Variants in GABRG3 observed in about 807,000 individuals in gnomAD.
The protein encoded by GABRG3 is gamma-aminobutyric acid receptor subunit gamma-3.
GABRG3 carries 25 observed loss-of-function variants against 48.8 expected under a neutral mutation model. The observed-to-expected ratio is 0.51, with a 90% confidence interval of 0.37 to 0.72. GABRG3 has a LOEUF of 0.72. Ranked by LOEUF, GABRG3 falls within the 30% of genes least tolerant of loss-of-function variation. The probability of loss-of-function intolerance (pLI) is 0.00; values close to 1 mark genes in which losing one functional copy is unlikely to be tolerated. For synonymous variants in GABRG3, 227 were observed against 217.6 expected (o/e 1.04, Z -0.38); for missense variants, 394 against 577.9 (o/e 0.68, Z 3.26).
intron 3 of GABRG3, among the ~76,000 whole-genome samples, chr15:27,143,476 T>A (rs1056839570): frequency 9.9e-5 from 15 of 152,218 alleles, no homozygotes; most frequent in African/African-American, 3.4e-4. Context: ...TTCTCACAGG[T>A]TGACATTTAT....
At position 27,177,190 on chromosome 15, in the gene GABRG3, C is replaced by T. The variant is rs533190832; in HGVS notation, c.271-149619C>T. 3.3e-5 allele frequency among the ~76,000 whole-genome samples: 5 copies of T among 152,266 alleles called. No individual in the cohort carries two copies. The South Asian group carries it at 1.0e-3, about 32-fold the overall frequency. ...TGTGCTGAGTCAATTTCTTGGGCAG[C>T]AGCTTATAGGACTGGTTGAGTCAGA... On this transcript the variant is annotated intron_variant, in intron 3 of 9. Transcript: ENST00000615808.
chr15:27,341,654 A>T (rs1474939713), intron 5 of GABRG3, among the ~76,000 whole-genome samples: 1 of 152,116 alleles, frequency 6.6e-6, no homozygotes, highest in Non-Finnish European at 1.5e-5. Context: ...CAAGGCTTTG[A>T]GCAGAGCAGA....
chr15:27,072,685 C>T (rs1896848191), intron 3 of GABRG3, among the ~76,000 whole-genome samples: 1 of 152,184 alleles, frequency 6.6e-6, no homozygotes, highest in Non-Finnish European at 1.5e-5. Context: ...TTGCCTTCCT[C>T]AGCCCCTGGC....
chr15:26,999,362 G>A (rs1485800885), intron 2 of GABRG3, among the ~76,000 whole-genome samples: 1 of 152,108 alleles, frequency 6.6e-6, no homozygotes, highest in Non-Finnish European at 1.5e-5. Flanking sequence ...GAATATAGGG[G>A]TTCAGGAACC....
intron 5 of GABRG3, among the ~76,000 whole-genome samples, chr15:27,467,452 C>G (rs139071761): frequency 6.6e-6 from 1 of 152,316 alleles, no homozygotes; most frequent in East Asian, 1.9e-4. Flanking sequence ...AGTTCACAGA[C>G]AGGAGGTCTG....
chr15:27,186,442 T>C (rs28727480), intron 3 of GABRG3, among the ~76,000 whole-genome samples: 8,804 of 152,268 alleles, frequency 0.058, 408 homozygotes, highest in East Asian at 0.16. Context: ...CTCCCTGTCA[T>C]TGCTATCATG....
chr15:27,307,967 T>C (rs1892732945), intron 3 of GABRG3, among the ~76,000 whole-genome samples: 1 of 136,320 alleles, frequency 7.3e-6, no homozygotes, highest in South Asian at 2.3e-4. Flanking sequence ...AACATGTTTA[T>C]ATATAAACAT....
In GABRG3 at chr15:27,351,324, G is replaced by GGTGT. The variant is rs554737853; in HGVS notation, c.574+22445_574+22448dup. ...GTTTGTGTGTATGGTGTATGTGTAT[G>GGTGT]GTGTGTGTGTGTATGGTATATGTGT... On this transcript the variant is annotated intron_variant, in intron 5 of 9. Coordinates refer to ENST00000615808, the MANE Select transcript of GABRG3 (RefSeq NM_033223.5). 2.4e-3 allele frequency among the ~76,000 whole-genome samples: 344 copies of GGTGT among 141,640 alleles called. 1 individual carries two copies. The highest frequency in any genetic ancestry group is 8.3e-3 in the African/African-American group (317 of 38,028). The allele number at this position is 141,640 out of a possible 152,430, so 92.9% of individuals were successfully genotyped here. A position where few individuals can be genotyped will look rare whatever the true frequency, so the allele number is the denominator to read the frequency against.
chr15:27,086,629 C>A (rs749244053), intron 3 of GABRG3, among the ~76,000 whole-genome samples: 1 of 152,178 alleles, frequency 6.6e-6, no homozygotes, highest in Non-Finnish European at 1.5e-5. Flanking sequence ...TTATAACATA[C>A]ATTTAGGTTA....
intron 2 of GABRG3, among the ~76,000 whole-genome samples, chr15:27,007,984 A>G (rs1177543829): frequency 1.3e-5 from 2 of 152,066 alleles, no homozygotes; most frequent in Non-Finnish European, 2.9e-5. Context: ...TTTGTTCAGT[A>G]TATGTTATCT....
Position 27,480,758 on chromosome 15 carries a change from A to T in GABRG3, c.683A>T (p.Asn228Ile). The T allele has an allele frequency of 6.2e-7, 1 of 1,613,858 alleles. No homozygotes were observed. Among genetic ancestry groups the T allele is most frequent in the Non-Finnish European group, 8.5e-7 (1 of 1,179,846 alleles). Residue 228 changes from asparagine to isoleucine, a missense_variant, in exon 6 of 10, where the codon AAC becomes ATC. Around this residue, in one of 3 missense-constraint regions of GABRG3, gnomAD observed 218 missense variants for 309.9 expected, o/e 0.70. Coordinates refer to ENST00000615808, the MANE Select transcript of GABRG3 (RefSeq NM_033223.5). ...LYQFDFMGLR[N>I]TTEIVTTSAG... Reference sequence around the variant, plus strand: ...CAGTTTGACTTCATGGGCCTCAGAAACACCACAGAAATCGTGACAACGTCT... The same window carrying T: ...CAGTTTGACTTCATGGGCCTCAGAATCACCACAGAAATCGTGACAACGTCT...
At chr15:27,095,078 T>C (rs564286786) in intron 3 of GABRG3, among the ~76,000 whole-genome samples, 89 of 152,264 alleles carry the variant, frequency 5.8e-4, no homozygotes, top group African/African-American at 2.1e-3. Flanking sequence ...TCTCTGCAAA[T>C]GAACAGGACT....
intron 3 of GABRG3, among the ~76,000 whole-genome samples, chr15:27,272,626 G>A (rs1891127462): frequency 6.6e-6 from 1 of 152,174 alleles, no homozygotes; most frequent in Admixed American, 6.5e-5. Context: ...AGACTAATTA[G>A]AGTGGCTACA....
chr15:27,066,292 T>C (rs1178981729), intron 3 of GABRG3, among the ~76,000 whole-genome samples: 1 of 152,234 alleles, frequency 6.6e-6, no homozygotes, highest in East Asian at 1.9e-4. Context: ...GTTGTAGTTA[T>C]TCCATCCATT....
intron 5 of GABRG3, among the ~76,000 whole-genome samples, chr15:27,406,564 C>T (rs1203077544): frequency 6.6e-6 from 1 of 152,096 alleles, no homozygotes; most frequent in Non-Finnish European, 1.5e-5. Context: ...CAGGCAAAAC[C>T]AGATTGAGGA....
At chr15:27,350,302 G>T in intron 5 of GABRG3, 1 of 392,438 alleles carries the variant, frequency 2.5e-6, no homozygotes. Context: ...GCTGGTGGTT[G>T]CTGTGAATTG....
rs1226294486 is a variant in GABRG3, at chr15:27,306,864, A to G, written c.271-19945A>G. 4.2e-5 allele frequency among the ~76,000 whole-genome samples: 4 copies of G among 96,286 alleles called. No individual in the cohort carries two copies. In the Admixed American group the frequency reaches 4.8e-4, roughly 12 times the overall value. The allele number at this position is 96,286 out of a possible 152,430, so 63.2% of individuals were successfully genotyped here. ...ATGTTTATATATAAACATACAATAT[A>G]AACATGTTTATATATAAACATACAA... On this transcript the variant is annotated intron_variant, in intron 3 of 9. Coordinates refer to ENST00000615808, the MANE Select transcript of GABRG3 (RefSeq NM_033223.5).
chr15:27,413,972 G>A (rs1453726591), intron 5 of GABRG3, among the ~76,000 whole-genome samples: 2 of 152,162 alleles, frequency 1.3e-5, no homozygotes, highest in African/African-American at 4.8e-5. Flanking sequence ...AATTAAATTT[G>A]TATGGATAAA....
At chr15:27,062,662 A>T (rs1028671179) in intron 3 of GABRG3, among the ~76,000 whole-genome samples, 4 of 151,976 alleles carry the variant, frequency 2.6e-5, no homozygotes, top group African/African-American at 9.7e-5. Flanking sequence ...ATCACTGAGT[A>T]TGTCAATCTT....
Sources: gnomAD v4.1 joint callset for allele counts (sites outside exome capture counted in the v4.1 genomes callset) on GRCh38, gnomAD v4.1.1 for gene constraint, gnomAD v4.1.1 regional missense constraint, MANE v1.5 for transcripts, NCBI Gene and HGNC (gene_info 2026-07-23, HGNC 2026-07-21) for gene names.